Variants in PUS10 observed in about 807,000 individuals in gnomAD.
PUS10 encodes tRNA pseudouridine synthase Pus10.
A neutral mutation model predicts 75.0 loss-of-function variants in PUS10; 59 were observed. The ratio of observed to expected loss-of-function variants is 0.79; its 90% CI spans 0.64 to 0.98. The LOEUF is 0.98. PUS10 is among the 50% of genes least tolerant of loss of function. The pLI is 0.00. For synonymous variants in PUS10, 219 were observed against 211.6 expected (o/e 1.03, Z -0.30); for missense variants, 650 against 614.4 (o/e 1.06, Z -0.61).
chr2:61,006,464 A>G, intron 4 of PUS10, 93 bp downstream of exon 4: 1 of 928,966 alleles, frequency 1.1e-6, no homozygotes, highest in South Asian at 1.6e-5. Flanking sequence ...TGTAAAAAAT[A>G]TAATAGAGTA....
At chr2:60,943,593 C>CA (rs1272786345) in intron 17 of PUS10, among the ~76,000 whole-genome samples, 1 of 151,476 alleles carries the variant, frequency 6.6e-6, no homozygotes, top group South Asian at 2.1e-4. Context: ...GTACTGGCTT[C>CA]AAAAAAAATT....
intron 4 of PUS10, among the ~76,000 whole-genome samples, chr2:60,972,136 T>A (rs1372524109): frequency 2.1e-5 from 3 of 141,502 alleles, no homozygotes; most frequent in Admixed American, 2.1e-4. Flanking sequence ...CCCAAAGTGC[T>A]GGGATTACAG....
chr2:61,007,215 GT>G (rs758807191), intron 3 of PUS10, among the ~76,000 whole-genome samples: 53 of 144,524 alleles, frequency 3.7e-4, no homozygotes, highest in South Asian at 6.7e-4. Context: ...GTAGGCTTTT[GT>G]TTTTTTTTTT....
chr2:61,003,154 T>A (rs116397023), intron 4 of PUS10, among the ~76,000 whole-genome samples: 400 of 152,282 alleles, frequency 2.6e-3, no homozygotes, highest in African/African-American at 9.2e-3. Flanking sequence ...AATGCTTTTA[T>A]AATGATGATA....
intron 16 of PUS10, among the ~76,000 whole-genome samples, chr2:60,947,009 A>G (rs956816468): frequency 2.0e-5 from 3 of 152,230 alleles, no homozygotes; most frequent in Admixed American, 6.5e-5. Context: ...AGCTAAGCCT[A>G]TTGGAGCTCC....
At chr2:60,953,753 CAT>C (rs2104243660) in intron 14 of PUS10, among the ~76,000 whole-genome samples, 178 bp downstream of exon 14, 1 of 152,186 alleles carries the variant, frequency 6.6e-6, no homozygotes, top group African/African-American at 2.4e-5. Flanking sequence ...AGCATTTTTT[CAT>C]ATGTTAATTG....
intron 14 of PUS10, among the ~76,000 whole-genome samples, chr2:60,953,707 T>TTA (rs758628450): frequency 3.9e-5 from 6 of 152,224 alleles, no homozygotes; most frequent in Non-Finnish European, 7.4e-5. Context: ...CTAGAAGTGG[T>TTA]TAAGATTTGC....
At chr2:60,968,641 A>G (rs1676484919) in intron 5 of PUS10, among the ~76,000 whole-genome samples, 1 of 151,590 alleles carries the variant, frequency 6.6e-6, no homozygotes, top group Admixed American at 6.6e-5. Flanking sequence ...GCAGATCACT[A>G]TTCCTCTAAA....
Position 61,011,796 on chromosome 2 carries a change from T to C in PUS10, c.95A>G (p.Asp32Gly). 6.3e-7 allele frequency: 1 copy of C among 1,596,144 alleles called. No homozygotes were observed. The highest frequency in any genetic ancestry group is 8.5e-7 in the Non-Finnish European group (1 of 1,171,750). ...TGGAAGTTTGTAAGGTGCATGAAAA[T>C]CCACACCACAGAATCTGAAGATACA... ...PRCIFRFCGV[D>G]FHAPYKLPYK... Residue 32 changes from aspartate (D) to glycine (G), a missense_variant, in exon 2 of 18, where the codon GAT becomes GGT. Coordinates refer to ENST00000316752, the MANE Select transcript of PUS10 (RefSeq NM_144709.4).
chr2:60,969,256 C>G (rs143020002), intron 5 of PUS10, among the ~76,000 whole-genome samples: 1 of 152,092 alleles, frequency 6.6e-6, no homozygotes, highest in Admixed American at 6.5e-5. Context: ...ATTATAGAGC[C>G]AGAGGAAAAG....
chr2:61,007,967 C>T (rs551877221), intron 3 of PUS10, among the ~76,000 whole-genome samples: 1 of 149,388 alleles, frequency 6.7e-6, no homozygotes, highest in Non-Finnish European at 1.5e-5. Flanking sequence ...GTCCCAGCTA[C>T]TCGGGAGGCT....
At chr2:61,005,121 C>A (rs969974534) in intron 4 of PUS10, among the ~76,000 whole-genome samples, 1 of 152,024 alleles carries the variant, frequency 6.6e-6, no homozygotes, top group Admixed American at 6.6e-5. Flanking sequence ...ATTAGCCAGG[C>A]GTGGTGACGC....
intron 4 of PUS10, among the ~76,000 whole-genome samples, chr2:60,981,644 CATAA>C (rs1381080228): frequency 6.6e-6 from 1 of 152,168 alleles, no homozygotes; most frequent in Non-Finnish European, 1.5e-5. Flanking sequence ...TATGTGTTAA[CATAA>C]ATAACTTTTC....
chr2:60,989,478 G>A (rs974438900), intron 4 of PUS10, among the ~76,000 whole-genome samples: 6 of 152,064 alleles, frequency 3.9e-5, no homozygotes, highest in East Asian at 1.9e-4. Flanking sequence ...GGCCCCACCC[G>A]TTTTTGGACC....
chr2:61,002,727 C>T (rs978055091), intron 4 of PUS10, among the ~76,000 whole-genome samples: 5 of 152,196 alleles, frequency 3.3e-5, no homozygotes, highest in African/African-American at 4.8e-5. Context: ...TTATTACATT[C>T]AAATGATAAG....
chr2:60,997,656 T>A (rs1323329923), intron 4 of PUS10, among the ~76,000 whole-genome samples: 1 of 148,256 alleles, frequency 6.7e-6, no homozygotes, highest in African/African-American at 2.5e-5. Context: ...TCTTTTCCCA[T>A]AAATGGAAGT....
chr2:61,010,664 G>A, intron 2 of PUS10: 1 of 1,057,714 alleles, frequency 9.5e-7, no homozygotes. Context: ...ACTTTATTAG[G>A]TATTGTCCCT....
At chr2:60,987,648 A>C (rs1461285716) in intron 4 of PUS10, among the ~76,000 whole-genome samples, 3 of 152,202 alleles carry the variant, frequency 2.0e-5, no homozygotes, top group Admixed American at 6.5e-5. Context: ...AAAATAGCTA[A>C]ACAGGTCAGT....
intron 4 of PUS10, among the ~76,000 whole-genome samples, chr2:60,973,266 T>C (rs1330673673): frequency 6.6e-6 from 1 of 152,128 alleles, no homozygotes; most frequent in Non-Finnish European, 1.5e-5. Context: ...GCCTCTGCTG[T>C]GGGGAAAACG....
Sources: gnomAD v4.1 joint callset for allele counts (sites outside exome capture counted in the v4.1 genomes callset) on GRCh38, gnomAD v4.1.1 for gene constraint, MANE v1.5 for transcripts, NCBI Gene and HGNC (gene_info 2026-07-23, HGNC 2026-07-21) for gene names.